The following RMDN2 variants were observed in gnomAD, a reference collection of about 807,000 sequenced individuals.
The protein encoded by RMDN2 is regulator of microtubule dynamics 2, also known as regulator of microtubule dynamics protein 2.
RMDN2 carries 61 observed loss-of-function variants against 52.8 expected under a neutral mutation model. The observed-to-expected ratio is 1.16, with a 90% CI of 0.94 to 1.43. The LOEUF (loss-of-function observed/expected upper bound fraction) is 1.43, where lower values mean the gene tolerates loss of function less well. RMDN2 is among the 40% of genes most tolerant of loss of function. The pLI is 0.00. For missense variants in RMDN2, 592 were observed against 475.3 expected (o/e 1.25, Z -2.28); for synonymous variants, 180 against 153.1 (o/e 1.18, Z -1.30).
At chr2:37,938,235 G>A (rs1201572938) in intron 2 of RMDN2, among the ~76,000 whole-genome samples, 2 of 152,158 alleles carry the variant, frequency 1.3e-5, no homozygotes, top group African/African-American at 4.8e-5. Context: ...TTGCATCCCA[G>A]GGATGAAGGC....
intron 10 of RMDN2, among the ~76,000 whole-genome samples, chr2:38,063,598 C>T (rs1682143602): frequency 6.6e-6 from 1 of 151,962 alleles, no homozygotes; most frequent in African/African-American, 2.4e-5. Context: ...AAGAAACTAC[C>T]ATCAGAGTGA....
chr2:37,924,829 A>G (rs531098510), upstream of RMDN2, among the ~76,000 whole-genome samples: 6 of 152,386 alleles, frequency 3.9e-5, no homozygotes. Context: ...GCTCATTAAA[A>G]GAAAACGTGA....
intron 2 of RMDN2, among the ~76,000 whole-genome samples, chr2:37,932,716 G>T (rs1210204673): frequency 6.7e-6 from 1 of 148,204 alleles, no homozygotes; most frequent in Non-Finnish European, 1.5e-5. Flanking sequence ...CTCCCGGACG[G>T]GGCGGCTGGC....
chr2:37,955,986 A>G (rs1033334106), intron 2 of RMDN2, among the ~76,000 whole-genome samples: 1 of 151,968 alleles, frequency 6.6e-6, no homozygotes, highest in South Asian at 2.1e-4. Context: ...GTCAGTATTC[A>G]TCAGGGATCA....
chr2:37,934,615 C>G (rs1217139917), intron 2 of RMDN2, among the ~76,000 whole-genome samples: 2 of 151,936 alleles, frequency 1.3e-5, no homozygotes, highest in Non-Finnish European at 2.9e-5. Context: ...GCATCAGTTT[C>G]TTTCAGTAAG....
intron 2 of RMDN2, among the ~76,000 whole-genome samples, chr2:37,964,571 A>G (rs532506009): frequency 2.2e-4 from 33 of 152,300 alleles, no homozygotes; most frequent in Admixed American, 7.8e-4. Flanking sequence ...ATGTTTGTAA[A>G]TTAACTAAGA....
At chr2:37,996,431 A>G (rs1252634741) in intron 7 of RMDN2, among the ~76,000 whole-genome samples, 2 of 151,960 alleles carry the variant, frequency 1.3e-5, no homozygotes, top group African/African-American at 4.8e-5. Context: ...CAAAAAATTT[A>G]AAAAATTAAT....
chr2:37,980,870 G>A (rs974269482), intron 4 of RMDN2, among the ~76,000 whole-genome samples: 1 of 151,904 alleles, frequency 6.6e-6, no homozygotes, highest in Non-Finnish European at 1.5e-5. Context: ...TGGAGGTCAA[G>A]GACTCTGTCT....
chr2:37,986,921 G>T (rs1185093105), intron 5 of RMDN2, among the ~76,000 whole-genome samples: 1 of 152,038 alleles, frequency 6.6e-6, no homozygotes, highest in Non-Finnish European at 1.5e-5. Flanking sequence ...TCAGGAGCAA[G>T]GTAAGGATGT....
At chr2:37,932,797 C>T (rs1180341535) in intron 2 of RMDN2, among the ~76,000 whole-genome samples, 130 of 117,668 alleles carry the variant, frequency 1.1e-3, no homozygotes, top group African/African-American at 1.4e-3. Context: ...CCGGACGGGG[C>T]GGCTGGCTGG....
At chr2:37,954,418 G>A (rs191338907) in intron 2 of RMDN2, among the ~76,000 whole-genome samples, 57 of 152,072 alleles carry the variant, frequency 3.7e-4, no homozygotes, top group South Asian at 2.7e-3. Flanking sequence ...TTTATATGTG[G>A]ATATCCAGTT....
intron 10 of RMDN2, among the ~76,000 whole-genome samples, chr2:38,061,434 AC>A (rs1286190235): frequency 1.3e-5 from 2 of 152,014 alleles, no homozygotes; most frequent in Non-Finnish European, 2.9e-5. Context: ...TGATTTTGTG[AC>A]CATAAAAATC....
chr2:37,983,217 GTTAT>G (rs1572933863), intron 5 of RMDN2, among the ~76,000 whole-genome samples: 1 of 152,136 alleles, frequency 6.6e-6, no homozygotes, highest in Non-Finnish European at 1.5e-5. Context: ...TCAATTTGAG[GTTAT>G]TTATCAGTGT....
At chr2:37,990,305 G>A (rs539923295) in intron 6 of RMDN2, among the ~76,000 whole-genome samples, 63 of 151,360 alleles carry the variant, frequency 4.2e-4, no homozygotes, top group Non-Finnish European at 7.7e-4. Flanking sequence ...GATTGCTTGA[G>A]GCCAGGAGTT....
chr2:37,951,095 C>T lies in RMDN2; in HGVS notation c.452+21366C>T, dbSNP rs902943360. 7.2e-5 allele frequency: 58 copies of T among 803,118 alleles called. No homozygotes were observed. The African/African-American group carries it at 8.6e-4, about 12-fold the overall frequency. The allele number at this position is 803,118 out of a possible 1,614,324, so 49.7% of individuals were successfully genotyped here. A position where few individuals can be genotyped will look rare whatever the true frequency, so the allele number is the denominator to read the frequency against. The stretch of plus-strand genomic sequence containing the variant: ...TTAAGCTCCCCTATTCTTCTTATTC[C>T]CTGCTGTTTTCATATTAGTATGGAA... On this transcript the variant is annotated intron_variant, in intron 2 of 10. Coordinates refer to ENST00000354545, the MANE Select transcript of RMDN2 (RefSeq NM_001170791.3).
rs368288134 is a variant in RMDN2, at chr2:37,975,197, A to G, written c.628-15A>G. On this transcript the variant is annotated splice_polypyrimidine_tract_variant and intron_variant, in intron 3 of 10. Coordinates refer to ENST00000354545, the MANE Select transcript of RMDN2 (RefSeq NM_001170791.3). ...CCAAGTTAATTTAACAGGCAACTCCATCTTTTCTTTTCAGTTTAGAGATGA... is the reference window on the plus strand; with the variant it reads ...CCAAGTTAATTTAACAGGCAACTCCGTCTTTTCTTTTCAGTTTAGAGATGA... 1.3e-6 allele frequency: 2 copies of G among 1,495,998 alleles called. No homozygotes were observed. Among genetic ancestry groups the G allele is most frequent in the Non-Finnish European group, 1.9e-6 (2 of 1,073,230 alleles). The allele number at this position is 1,495,998 out of a possible 1,614,324, so 92.7% of individuals were successfully genotyped here.
chr2:38,015,588 G>A (rs185456300), intron 10 of RMDN2, among the ~76,000 whole-genome samples: 268 of 150,916 alleles, frequency 1.8e-3, no homozygotes, highest in Non-Finnish European at 2.6e-3. Context: ...AGAAAAAAAA[G>A]GAAATGTTGA....
chr2:37,943,499 A>C (rs1163298790), intron 2 of RMDN2, among the ~76,000 whole-genome samples: 1 of 152,224 alleles, frequency 6.6e-6, no homozygotes, highest in Non-Finnish European at 1.5e-5. Context: ...TTAATAATGC[A>C]TGTCTCATGT....
Position 37,929,695 on chromosome 2 carries a change from A to G in RMDN2, c.418A>G (p.Ser140Gly). 6.5e-7 allele frequency: 1 copy of G among 1,527,708 alleles called. No homozygotes were observed. Among genetic ancestry groups the G allele is most frequent in the Non-Finnish European group, 8.8e-7 (1 of 1,140,876 alleles). 94.6% of individuals were successfully genotyped at this position (1,527,708 alleles called of 1,614,324 possible). A position where few individuals can be genotyped will look rare whatever the true frequency, so the allele number is the denominator to read the frequency against. The change falls in exon 2 of 11, where the codon AGT becomes GGT. Residue 140 changes from serine to glycine, a missense_variant. Ser to Gly is a moderately conservative substitution (Grantham distance 56). Transcript: ENST00000354545. The part of the protein sequence containing the change: ...RLPTIQSSAT[S>G]NSSEEAESEG... ...CCCCACAATTCAAAGTTCAGCAACA[A>G]GTAATAGTTCAGAGGAAGCAGAAAG...
Sources: allele counts gnomAD v4.1 joint callset (sites outside exome capture counted in the v4.1 genomes callset), GRCh38; gene constraint gnomAD v4.1.1; transcripts MANE v1.5; gene names NCBI Gene and HGNC (gene_info 2026-07-23, HGNC 2026-07-21).